Variants in PTPRG observed in about 807,000 individuals in gnomAD.
PTPRG encodes protein tyrosine phosphatase receptor type G.
Under a neutral mutation model 165.3 loss-of-function variants are expected in PTPRG, and 102 were observed. The ratio of observed to expected loss-of-function variants is 0.62; its 90% CI spans 0.53 to 0.73. The LOEUF (loss-of-function observed/expected upper bound fraction) is 0.73. PTPRG is among the 30% of genes least tolerant of loss of function. The pLI, the probability that PTPRG is intolerant of heterozygous loss-of-function variation, is 0.00. For missense variants in PTPRG, 1,866 were observed against 1,861.4 expected (o/e 1.00, Z -0.05); for synonymous variants, 675 against 669.5 (o/e 1.01, Z -0.13).
At chr3:62,045,633 T>C (rs1575931778) in intron 4 of PTPRG, among the ~76,000 whole-genome samples, 1 of 151,992 alleles carries the variant, frequency 6.6e-6, no homozygotes, top group East Asian at 1.9e-4. Context: ...CCTTAGTAAT[T>C]TGTTAAAATA....
intron 4 of PTPRG, 88 bp from the exon 5 acceptor site, chr3:62,078,075 G>T: frequency 1.2e-6 from 1 of 831,522 alleles, no homozygotes; most frequent in South Asian, 1.7e-5. Flanking sequence ...ATTAGCAACT[G>T]GGGAATATAC....
intron 14 of PTPRG, among the ~76,000 whole-genome samples, chr3:62,235,311 G>T (rs1701004111): frequency 6.6e-6 from 1 of 152,066 alleles, no homozygotes; most frequent in African/African-American, 2.4e-5. Context: ...TCCAGTCTAG[G>T]GTCTGAAGGG....
At chr3:61,988,843 G>C (rs2040822380) in intron 2 of PTPRG, among the ~76,000 whole-genome samples, 1 of 152,148 alleles carries the variant, frequency 6.6e-6, no homozygotes, top group Admixed American at 6.6e-5. Context: ...TTTCCAAATA[G>C]GACAGGGAGG....
chr3:62,267,807 G>A lies in PTPRG; in HGVS notation c.2862G>A (p.Val954=), dbSNP rs766463548. ...TCATTGTGATGATTACGAACCTTGTGGAAAAAGGAAGAGTAAGAGCCTTTT... is the reference window on the plus strand; with the variant it reads ...TCATTGTGATGATTACGAACCTTGTAGAAAAAGGAAGAGTAAGAGCCTTTT... ...TGIIVMITNL[V]EKGRRKCDQY... Residue 954 remains valine (V), a synonymous_variant, in exon 19 of 30, where the codon GTG becomes GTA. Transcript: ENST00000474889. 6.2e-7 allele frequency: 1 copy of A among 1,611,742 alleles called. No individual in the cohort carries two copies. Among genetic ancestry groups the A allele is most frequent in the Non-Finnish European group, 8.5e-7 (1 of 1,179,022 alleles).
At chr3:62,283,258 C>T (rs1380418327) in intron 28 of PTPRG, among the ~76,000 whole-genome samples, 1 of 151,950 alleles carries the variant, frequency 6.6e-6, no homozygotes, top group Non-Finnish European at 1.5e-5. Flanking sequence ...AGGGAAATAA[C>T]CTTTAAAAAT....
At chr3:61,958,821 G>A (rs563706291) in intron 2 of PTPRG, among the ~76,000 whole-genome samples, 96 of 152,272 alleles carry the variant, frequency 6.3e-4, no homozygotes, top group African/African-American at 2.3e-3. Flanking sequence ...CTCTCATTGT[G>A]TCATTCAAGG....
intron 2 of PTPRG, among the ~76,000 whole-genome samples, chr3:61,774,572 C>G (rs1035681769): frequency 6.6e-6 from 1 of 152,222 alleles, no homozygotes; most frequent in Admixed American, 6.5e-5. Context: ...ATGCAAATTT[C>G]AAGTCTGTTC....
chr3:62,101,983 A>T (rs2106828878), intron 5 of PTPRG, among the ~76,000 whole-genome samples: 1 of 152,268 alleles, frequency 6.6e-6, no homozygotes, highest in Middle Eastern at 3.4e-3. Context: ...TTAAGTTATC[A>T]TTGAGAATGG....
At chr3:62,106,503 CTTTT>C (rs149641730) in intron 5 of PTPRG, among the ~76,000 whole-genome samples, 24 of 118,556 alleles carry the variant, frequency 2.0e-4, no homozygotes, top group Non-Finnish European at 1.8e-4. Flanking sequence ...CTCTTAAAGG[CTTTT>C]TTTTTTTTTT....
At chr3:62,121,205 G>A (rs79066437) in intron 5 of PTPRG, among the ~76,000 whole-genome samples, 3,553 of 151,060 alleles carry the variant, frequency 0.024, 89 homozygotes, top group East Asian at 0.11. Flanking sequence ...CACCCGTCTC[G>A]GCCTCCCAAA....
At chr3:62,161,130 A>G (rs192551691) in intron 7 of PTPRG, among the ~76,000 whole-genome samples, 1 of 152,150 alleles carries the variant, frequency 6.6e-6, no homozygotes, top group Non-Finnish European at 1.5e-5. Flanking sequence ...TGGAGTCACA[A>G]TAAAGATTAA....
chr3:61,991,248 C>CGGGCTGGAGTGCAGT (rs1336271064), intron 3 of PTPRG, among the ~76,000 whole-genome samples: 13 of 152,170 alleles, frequency 8.5e-5, no homozygotes, highest in Non-Finnish European at 1.8e-4. Flanking sequence ...CTCTGTTGCC[C>CGGGCTGGAGTGCAGT]GGGCTGGAGT....
At chr3:61,659,468 G>A in intron 1 of PTPRG, 1 of 982,556 alleles carries the variant, frequency 1.0e-6, no homozygotes. Flanking sequence ...ACAGTGGGGT[G>A]ACCAGGAAGG....
chr3:62,253,837 C>T (rs752901624), intron 15 of PTPRG, among the ~76,000 whole-genome samples: 3 of 152,080 alleles, frequency 2.0e-5, no homozygotes, highest in Non-Finnish European at 2.9e-5. Context: ...TTTAATTGTT[C>T]ACACAGGAAG....
chr3:61,631,020 C>T (rs1307890272), intron 1 of PTPRG, among the ~76,000 whole-genome samples: 6 of 151,652 alleles, frequency 4.0e-5, no homozygotes, highest in African/African-American at 2.4e-5. Flanking sequence ...TGTGCGACTG[C>T]ACTCCAGCCT....
In PTPRG at chr3:62,142,395, C is replaced by T. The variant is rs75930325; in HGVS notation, c.682+9727C>T. 6.2e-4 allele frequency among the ~76,000 whole-genome samples: 95 copies of T among 152,130 alleles called. No homozygotes were observed. The East Asian group carries it at 0.016, about 25-fold the overall frequency. ...CGGGTAGGGGAAGGCAAGGTCTTCT[C>T]GTGTTCTGAGTGTTGGTCACACACC... On this transcript the variant is annotated intron_variant, in intron 6 of 29. Transcript: ENST00000474889.
At chr3:62,000,902 G>T (rs1466536976) in intron 3 of PTPRG, among the ~76,000 whole-genome samples, 1 of 152,160 alleles carries the variant, frequency 6.6e-6, no homozygotes, top group Non-Finnish European at 1.5e-5. Flanking sequence ...TTTTCTCCAG[G>T]TGTCAAAATA....
At chr3:62,215,872 C>A (rs1417937809) in intron 12 of PTPRG, among the ~76,000 whole-genome samples, 2 of 152,138 alleles carry the variant, frequency 1.3e-5, no homozygotes, top group African/African-American at 2.4e-5. Flanking sequence ...ACTCCCTAAC[C>A]CCTTCCCAAG....
At chr3:61,937,450 G>A (rs772093267) in intron 2 of PTPRG, among the ~76,000 whole-genome samples, 4 of 152,206 alleles carry the variant, frequency 2.6e-5, no homozygotes, top group African/African-American at 9.6e-5. Context: ...GGGTGAGGCT[G>A]TCTCTAGATA....
Sources: allele counts gnomAD v4.1 joint callset (sites outside exome capture counted in the v4.1 genomes callset), GRCh38; gene constraint gnomAD v4.1.1; transcripts MANE v1.5; gene names NCBI Gene and HGNC (gene_info 2026-07-23, HGNC 2026-07-21).